Variants in NXF1 observed in about 807,000 individuals in gnomAD.
NXF1 encodes the protein mRNA export factor TAP.
NXF1 carries 43 observed loss-of-function variants against 92.4 expected under a neutral mutation model. The observed-to-expected ratio is 0.47, with a 90% CI of 0.36 to 0.60. The LOEUF (loss-of-function observed/expected upper bound fraction) is 0.60, where lower values mean the gene tolerates loss of function less well. NXF1 is among the 20% of genes least tolerant of loss of function. NXF1 has a pLI of 0.00. For synonymous variants in NXF1, 288 were observed against 292.2 expected, an observed-to-expected ratio of 0.99 and a Z score of 0.15; for missense variants, 576 against 793.0, an observed-to-expected ratio of 0.73 and a Z score of 3.29.
At chr11:62,798,961 G>A (rs964707190) in intron 10 of NXF1, 7 of 1,039,538 alleles carry the variant, frequency 6.7e-6, no homozygotes, top group Admixed American at 1.0e-4. Flanking sequence ...GTATCCATCA[G>A]TTCTGCCAGG....
At position 62,797,309 on chromosome 11, in the gene NXF1, G is replaced by A; in HGVS notation, c.1122+9C>T. 6.2e-7 allele frequency: 1 copy of A among 1,614,136 alleles called. No homozygotes were observed. The highest frequency in any genetic ancestry group is 8.5e-7 in the Non-Finnish European group (1 of 1,180,000). ...ACACACAAGTTCTTACTCTGTCCAT[G>A]CTTCCTACCTTGCAGGGCGGTAACG... On this transcript the variant is annotated intron_variant, in intron 12 of 20. Transcript: ENST00000294172.
chr11:62,792,792 C>A (rs1249650128), intron 19 of NXF1, 91 bp from the exon 20 acceptor site: 1 of 1,071,464 alleles, frequency 9.3e-7, no homozygotes, highest in East Asian at 2.4e-5. Context: ...AGTTTGCCAA[C>A]AAATATGTAC....
At chr11:62,792,557 C>T in intron 20 of NXF1, 43 bp from the exon 21 acceptor site, 1 of 1,610,874 alleles carries the variant, frequency 6.2e-7, no homozygotes, top group Non-Finnish European at 8.5e-7. Flanking sequence ...CTACCCTCGC[C>T]ACTCAGCAAC....
chr11:62,798,629 G>A, intron 10 of NXF1, 54 bp from the exon 11 acceptor site: 1 of 1,609,062 alleles, frequency 6.2e-7, no homozygotes, highest in South Asian at 1.1e-5. Context: ...GTGCCTCCTG[G>A]GCTGCTCTAG....
At chr11:62,803,649 G>T in intron 2 of NXF1, 77 bp from the exon 3 acceptor site, 1 of 1,570,102 alleles carries the variant, frequency 6.4e-7, no homozygotes, top group Non-Finnish European at 8.7e-7. Context: ...CTGTTAGTGG[G>T]ACTACAACTA....
chr11:62,803,164 C>G (rs1590955195), intron 3 of NXF1, among the ~76,000 whole-genome samples: 1 of 152,000 alleles, frequency 6.6e-6, no homozygotes, highest in African/African-American at 2.4e-5. Context: ...ACTAAAAATA[C>G]AAAAATTAGC....
rs1470214354 is a variant in NXF1, at chr11:62,805,379, G to T, written c.-23C>A. ...CATGCCACAGCGAAGATCAAGGGCG[G>T]GCTCAGGCGCTGGCCGCTACGCCGG... On this transcript the variant is annotated 5_prime_UTR_variant, in exon 1 of 21. Transcript: ENST00000294172. The T allele has an allele frequency of 6.2e-7, 1 of 1,610,818 alleles. No individual in the cohort carries two copies. Among genetic ancestry groups the T allele is most frequent in the Non-Finnish European group, 8.5e-7 (1 of 1,178,646 alleles).
intron 18 of NXF1, chr11:62,794,689 A>G (rs78694490): frequency 2.7e-5 from 16 of 587,390 alleles, no homozygotes; most frequent in African/African-American, 2.2e-4. Context: ...TAGGAAATGA[A>G]TATTGTTATA....
rs902145961 is a variant in NXF1 at position 62,792,296 on chromosome 11, G to A, written c.*180C>T. On this transcript the variant is annotated 3_prime_UTR_variant, in exon 21 of 21. Transcript: ENST00000294172. Reference sequence around the variant, plus strand: ...AGCTTTGGCTTCCTGGCACCAGTGAGGCTCAATCTTCTGAAGTCTTCCAGA... The same window carrying A: ...AGCTTTGGCTTCCTGGCACCAGTGAAGCTCAATCTTCTGAAGTCTTCCAGA... The A allele has an allele frequency of 2.5e-6, 2 of 786,748 alleles. No homozygotes were observed. The highest frequency in any genetic ancestry group is 4.3e-6 in the Non-Finnish European group (2 of 467,662). 48.7% of individuals were successfully genotyped at this position (786,748 alleles called of 1,614,324 possible).
At position 62,794,855 on chromosome 11, in the gene NXF1, A is replaced by G. The variant is rs1022659619; in HGVS notation, c.1577+80T>C. On this transcript the variant is annotated intron_variant, in intron 18 of 20. Transcript: ENST00000294172. ...TGTTGCCTTTCTGAAATCACCCCAA[A>G]GACTGACTCTACCCTCCAATTACCA... The G allele has an allele frequency of 6.7e-5, 90 of 1,343,300 alleles. No homozygotes were observed. The African/African-American group carries it at 1.2e-3, about 18-fold the overall frequency. 83.2% of individuals were successfully genotyped at this position (1,343,300 alleles called of 1,614,324 possible). A position where few individuals can be genotyped will look rare whatever the true frequency, so the allele number is the denominator to read the frequency against.
intron 4 of NXF1, 48 bp downstream of exon 4, chr11:62,802,129 T>C: frequency 6.2e-7 from 1 of 1,609,088 alleles, no homozygotes; most frequent in East Asian, 2.2e-5. Context: ...GCTTGCCCCT[T>C]CACCATCCCT....
chr11:62,794,430 C>G lies in NXF1; in HGVS notation c.1588G>C (p.Val530Leu). ...VPASNSGLCI[V>L]NDELFVRNAS... Reference sequence around the variant, plus strand: ...TTCCGCACAAATAGCTCATCATTTACAATACATAGCCTTGAGGACAAAGAG... The same window carrying G: ...TTCCGCACAAATAGCTCATCATTTAGAATACATAGCCTTGAGGACAAAGAG... Residue 530 changes from valine to leucine, a missense_variant, in exon 19 of 21, where the codon GTA becomes CTA. By Grantham distance (32) the Val-to-Leu change is conservative. This residue lies in a region of NXF1 where 425 missense variants were observed against 635.2 expected (regional missense o/e 0.67). Transcript: ENST00000294172. The G allele has an allele frequency of 6.2e-7, 1 of 1,612,728 alleles. No homozygotes were observed. The highest frequency in any genetic ancestry group is 8.5e-7 in the Non-Finnish European group (1 of 1,178,772).
At chr11:62,796,219 C>T (rs765848690) in intron 15 of NXF1, 38 bp from the exon 16 acceptor site, 5 of 1,612,956 alleles carry the variant, frequency 3.1e-6, no homozygotes, top group Admixed American at 3.3e-5. Flanking sequence ...TGCTGCCACA[C>T]ACTCCTGAGT....
At chr11:62,793,006 ACCTT>A (rs1220314393) in intron 19 of NXF1, among the ~76,000 whole-genome samples, 1 of 152,016 alleles carries the variant, frequency 6.6e-6, no homozygotes, top group Non-Finnish European at 1.5e-5. Flanking sequence ...CTTCCATTTT[ACCTT>A]TAAAGTTTTT....
intron 19 of NXF1, among the ~76,000 whole-genome samples, 183 bp downstream of exon 19, chr11:62,794,075 G>A (rs926134647): frequency 1.3e-5 from 2 of 151,972 alleles, no homozygotes; most frequent in African/African-American, 4.8e-5. Flanking sequence ...GCTGAGGTGG[G>A]AGGACAGCTT....
At chr11:62,797,127 T>G in intron 13 of NXF1, 56 bp downstream of exon 13, 2 of 1,455,216 alleles carry the variant, frequency 1.4e-6, no homozygotes, top group East Asian at 4.5e-5. Flanking sequence ...TGCCTGGGTC[T>G]GCCCACCATT....
Position 62,801,086 on chromosome 11 carries a change from A to G in NXF1, c.906+8T>C, listed in dbSNP as rs371606823. On this transcript the variant is annotated splice_region_variant and intron_variant, in intron 9 of 20. Coordinates refer to ENST00000294172, the MANE Select transcript of NXF1 (RefSeq NM_006362.5). ...CTTCAAAAATATAGCCGAGCTATCA[A>G]TTCTCACTTCATTTCCAGAAAGGTT... 1.1e-4 allele frequency: 173 copies of G among 1,606,094 alleles called. No individual in the cohort carries two copies. The highest frequency in any genetic ancestry group is 1.4e-4 in the Non-Finnish European group (161 of 1,172,826).
intron 10 of NXF1, chr11:62,798,889 A>C: frequency 8.6e-7 from 1 of 1,165,744 alleles, no homozygotes. Context: ...CCACCTACTC[A>C]CCTGTGCAGC....
intron 10 of NXF1, chr11:62,799,865 G>GC: frequency 1.0e-6 from 1 of 987,040 alleles, no homozygotes; most frequent in Non-Finnish European, 1.2e-6. Context: ...AGCATGGACA[G>GC]CAACAGCCCT....
Sources: gnomAD v4.1 joint callset for allele counts (sites outside exome capture counted in the v4.1 genomes callset) on GRCh38, gnomAD v4.1.1 for gene constraint, gnomAD v4.1.1 regional missense constraint, MANE v1.5 for transcripts, NCBI Gene and HGNC (gene_info 2026-07-23, HGNC 2026-07-21) for gene names.